The following CASQ2 variants were observed in gnomAD, a reference collection of about 807,000 sequenced individuals.
CASQ2 encodes calsequestrin-2.
CASQ2 carries 49 observed loss-of-function variants against 46.5 expected under a neutral mutation model. The ratio of observed to expected loss-of-function variants is 1.05; its 90% confidence interval spans 0.84 to 1.34. The LOEUF (loss-of-function observed/expected upper bound fraction) is 1.34, where lower values mean the gene tolerates loss of function less well. Among genes scored for constraint, CASQ2 ranks in the 40% most tolerant of loss-of-function variants. The pLI, the probability that CASQ2 is intolerant of heterozygous loss-of-function variation, is 0.00. For synonymous variants in CASQ2, 174 were observed against 168.5 expected (o/e 1.03, Z -0.25); for missense variants, 486 against 481.3 (o/e 1.01, Z -0.09).
chr1:115,736,395 G>A (rs1647963063), intron 4 of CASQ2, among the ~76,000 whole-genome samples: 1 of 151,962 alleles, frequency 6.6e-6, no homozygotes, highest in African/African-American at 2.4e-5. Context: ...CAAGCACTTT[G>A]GGAGGCTGAG....
intron 6 of CASQ2, among the ~76,000 whole-genome samples, chr1:115,726,186 TG>T (rs1647581628): frequency 6.6e-6 from 1 of 152,152 alleles, no homozygotes; most frequent in Non-Finnish European, 1.5e-5. Context: ...AACACACTCG[TG>T]TACATGCCAG....
chr1:115,738,563 C>T (rs1464126608), intron 3 of CASQ2, among the ~76,000 whole-genome samples: 1 of 152,060 alleles, frequency 6.6e-6, no homozygotes, highest in Non-Finnish European at 1.5e-5. Context: ...ATTCCTTTTG[C>T]CAGTTTTAGA....
chr1:115,702,726 A>G (rs753886068), intron 10 of CASQ2, among the ~76,000 whole-genome samples, 195 bp downstream of exon 10: 7 of 152,262 alleles, frequency 4.6e-5, no homozygotes, highest in Non-Finnish European at 1.0e-4. Context: ...TGCCCATGGA[A>G]GAGAGCCATG....
At chr1:115,755,964 G>T (rs576173620) in intron 1 of CASQ2, among the ~76,000 whole-genome samples, 1 of 150,734 alleles carries the variant, frequency 6.6e-6, no homozygotes, top group East Asian at 1.9e-4. Context: ...TTTATGTGTT[G>T]CATTGTTGCA....
chr1:115,756,472 C>T (rs1187815673), intron 1 of CASQ2, among the ~76,000 whole-genome samples: 1 of 152,224 alleles, frequency 6.6e-6, no homozygotes, highest in Non-Finnish European at 1.5e-5. Context: ...CAAAAATACT[C>T]TGCACCAACC....
Position 115,723,305 on chromosome 1 carries a change from TTATC to T in CASQ2, c.783+2199_783+2202del, listed in dbSNP as rs58680506. On this transcript the variant is annotated intron_variant, in intron 7 of 10. Transcript: ENST00000261448. ...TCTATATCTCTCTATATCTATCTATTTATCTATCTATCTATCTATCTATCTATCT... is the reference window on the plus strand; with the variant it reads ...TCTATATCTCTCTATATCTATCTATTTATCTATCTATCTATCTATCTATCT... Among the ~76,000 whole-genome samples, 427 of 148,858 alleles carry T rather than the reference TTATC, an allele frequency of 2.9e-3. 3 individuals are homozygous for T. The highest frequency in any genetic ancestry group is 3.4e-3 in the Middle Eastern group (1 of 290).
intron 1 of CASQ2, among the ~76,000 whole-genome samples, chr1:115,758,005 A>G (rs1648820437): frequency 6.6e-6 from 1 of 152,224 alleles, no homozygotes; most frequent in South Asian, 2.1e-4. Context: ...GGTTCAACAC[A>G]TAGTCTAGTT....
intron 1 of CASQ2, among the ~76,000 whole-genome samples, chr1:115,745,252 C>T (rs1354790093): frequency 6.6e-6 from 1 of 152,164 alleles, no homozygotes; most frequent in Non-Finnish European, 1.5e-5. Flanking sequence ...GGGTGCCTGA[C>T]AAGGGGCCCT....
chr1:115,748,974 G>A (rs1051558366), intron 1 of CASQ2, among the ~76,000 whole-genome samples: 1 of 152,056 alleles, frequency 6.6e-6, no homozygotes, highest in Non-Finnish European at 1.5e-5. Flanking sequence ...ACCTGGGTGG[G>A]GCTCAGGAAT....
chr1:115,767,370 A>C (rs780158490), intron 1 of CASQ2, among the ~76,000 whole-genome samples: 26 of 152,138 alleles, frequency 1.7e-4, no homozygotes, highest in African/African-American at 2.4e-5. Context: ...AATTTGAAAA[A>C]ATTCAAATCC....
chr1:115,720,316 C>T (rs758599706), intron 7 of CASQ2, among the ~76,000 whole-genome samples: 13 of 152,278 alleles, frequency 8.5e-5, no homozygotes, highest in African/African-American at 2.2e-4. Flanking sequence ...TGTGTCCTCA[C>T]GGTGGAAGGG....
chr1:115,725,218 G>A lies in CASQ2; in HGVS notation c.783+290C>T, dbSNP rs74997064. Among the ~76,000 whole-genome samples, 128 of 151,964 alleles carry A rather than the reference G, an allele frequency of 8.4e-4. 1 individual carries two copies. In the East Asian group the frequency reaches 9.3e-3, roughly 11 times the overall value. On this transcript the variant is annotated intron_variant, in intron 7 of 10. Coordinates refer to ENST00000261448, the MANE Select transcript of CASQ2 (RefSeq NM_001232.4). The stretch of plus-strand genomic sequence containing the variant: ...AGTAGCTGGAACTCCAGGCACATGC[G>A]ACCATGCTCGGTTACTTTTTGCATT...
chr1:115,754,452 G>A (rs747820269), intron 1 of CASQ2, among the ~76,000 whole-genome samples: 1 of 152,158 alleles, frequency 6.6e-6, no homozygotes, highest in Non-Finnish European at 1.5e-5. Context: ...TTTTAAAAAA[G>A]CACTTACTGG....
chr1:115,727,473 A>G (rs1028425700), intron 5 of CASQ2, among the ~76,000 whole-genome samples: 1 of 152,208 alleles, frequency 6.6e-6, no homozygotes, highest in Admixed American at 6.5e-5. Context: ...AATGGAGCAT[A>G]TTTACTATCC....
At chr1:115,728,686 T>C (rs1259923885) in intron 5 of CASQ2, among the ~76,000 whole-genome samples, 1 of 152,210 alleles carries the variant, frequency 6.6e-6, no homozygotes, top group East Asian at 1.9e-4. Flanking sequence ...TTTAGGTTGA[T>C]TCTTTGTTTA....
At chr1:115,767,393 T>C (rs1358464361) in intron 1 of CASQ2, among the ~76,000 whole-genome samples, 1 of 151,862 alleles carries the variant, frequency 6.6e-6, no homozygotes, top group Non-Finnish European at 1.5e-5. Flanking sequence ...ATGGGTTTTA[T>C]ATGATAATCC....
intron 6 of CASQ2, 39 bp downstream of exon 6, chr1:115,726,953 G>A (rs754640089): frequency 1.1e-4 from 67 of 607,690 alleles, no homozygotes; most frequent in Non-Finnish European, 1.8e-4. Context: ...CCATTCCCCA[G>A]ACCCCAGGCC....
intron 9 of CASQ2, among the ~76,000 whole-genome samples, chr1:115,704,931 G>A (rs1654311986): frequency 6.6e-6 from 1 of 152,224 alleles, no homozygotes; most frequent in Non-Finnish European, 1.5e-5. Context: ...TGCCGAAGGA[G>A]TTTACCCTGC....
At chr1:115,739,355 T>C (rs1259800581) in intron 3 of CASQ2, among the ~76,000 whole-genome samples, 2 of 151,886 alleles carry the variant, frequency 1.3e-5, no homozygotes, top group Non-Finnish European at 2.9e-5. Flanking sequence ...GACCTTGTGA[T>C]CAGCCCACCT....
Sources: allele counts gnomAD v4.1 joint callset (sites outside exome capture counted in the v4.1 genomes callset), GRCh38; gene constraint gnomAD v4.1.1; transcripts MANE v1.5; gene names NCBI Gene and HGNC (gene_info 2026-07-23, HGNC 2026-07-21).